ASPG: variants seen among roughly 807,000 people sequenced by gnomAD.
The protein encoded by ASPG is asparaginase.
A neutral mutation model predicts 63.2 loss-of-function variants in ASPG; 53 were observed. The ratio of observed to expected loss-of-function variants is 0.84; its 90% CI spans 0.67 to 1.05. The LOEUF (loss-of-function observed/expected upper bound fraction) is 1.05. Ranked by LOEUF, ASPG falls within the 50% of genes least tolerant of loss-of-function variation. The pLI, the probability that ASPG is intolerant of heterozygous loss-of-function variation, is 0.00. For missense variants in ASPG, 741 were observed against 794.4 expected (o/e 0.93, Z 0.81); for synonymous variants, 370 against 355.0 (o/e 1.04, Z -0.48).
At chr14:104,096,261 G>A (rs73358206) in intron 4 of ASPG, among the ~76,000 whole-genome samples, 1,920 of 152,284 alleles carry the variant, frequency 0.013, 43 homozygotes, top group African/African-American at 0.044. Flanking sequence ...TGTTGCCTGC[G>A]GGTGGCAGTG....
intron 4 of ASPG, among the ~76,000 whole-genome samples, chr14:104,096,435 C>T (rs955005958): frequency 3.9e-5 from 6 of 152,260 alleles, no homozygotes; most frequent in Non-Finnish European, 5.9e-5. Context: ...CTCAGCCACC[C>T]CACTCTGCTT....
chr14:104,098,945 G>A lies in ASPG; in HGVS notation c.606G>A (p.Leu202=). 1 of 1,601,138 alleles carries A rather than the reference G, an allele frequency of 6.2e-7. No individual in the cohort carries two copies. The highest frequency in any genetic ancestry group is 1.1e-5 in the South Asian group (1 of 88,928). Residue 202 remains leucine (L), a synonymous_variant, in exon 6 of 16, where the codon CTG becomes CTA. Coordinates refer to ENST00000551177, the MANE Select transcript of ASPG (RefSeq NM_001080464.3). ...RRFAAFCSPN[L]LPLATVGADI... is the part of the protein sequence containing the mutation. ...TCGCAGCTTTCTGCTCCCCGAACCT[G>A]CTGCCTCTGGCCACAGTGGGTGCTG... is the stretch of plus-strand genomic sequence containing the variant.
chr14:104,102,150 T>C (rs1348297989), intron 6 of ASPG, among the ~76,000 whole-genome samples: 1 of 151,968 alleles, frequency 6.6e-6, no homozygotes, highest in Non-Finnish European at 1.5e-5. Flanking sequence ...TGCTGATGCC[T>C]TATCTGCTTG....
Position 104,106,694 on chromosome 14 carries a change from G to T in ASPG, c.1174-105G>T, listed in dbSNP as rs2037144638. 4.0e-6 allele frequency: 4 copies of T among 1,011,850 alleles called. No homozygotes were observed. In the East Asian group the frequency reaches 1.1e-4, roughly 27 times the overall value. The allele number at this position is 1,011,850 out of a possible 1,614,324, so 62.7% of individuals were successfully genotyped here. ...CTCACCCACGCCCTGGGATCTGCGG[G>T]CCCTTGTGTGGGGGCTGGCAGGGGT... is the stretch of plus-strand genomic sequence containing the variant. On this transcript the variant is annotated intron_variant, in intron 10 of 15. Transcript: ENST00000551177.
rs1249657143 is a variant in ASPG, at chr14:104,111,503, C to T, written c.1522C>T (p.Leu508=). 2 of 1,549,720 alleles carry T rather than the reference C, an allele frequency of 1.3e-6. No homozygotes were observed. Among genetic ancestry groups the T allele is most frequent in the Non-Finnish European group, 1.7e-6 (2 of 1,146,408 alleles). The change falls in exon 14 of 16, where the codon CTG becomes TTG. Residue 508 remains leucine (L), a splice_region_variant and synonymous_variant. Coordinates refer to ENST00000551177, the MANE Select transcript of ASPG (RefSeq NM_001080464.3). ...LEEAGTELCR[L]AYRADLEGLQ... ...CTCCTCCTCTGCCCCCACCCCCAGG[C>T]TGGCATACAGGGCCGACCTCGAAGG...
At chr14:104,094,348 T>G (rs1383236164) in intron 3 of ASPG, among the ~76,000 whole-genome samples, 2 of 151,970 alleles carry the variant, frequency 1.3e-5, no homozygotes, top group Non-Finnish European at 2.9e-5. Context: ...GGAGTCTTAG[T>G]GGATTTAGTG....
At chr14:104,104,911 G>A (rs1332866160) in intron 9 of ASPG, 176 bp downstream of exon 9, 3 of 617,070 alleles carry the variant, frequency 4.9e-6, no homozygotes, top group Non-Finnish European at 8.3e-6. Context: ...TCTGGGCCCA[G>A]GCTCCCCACA....
intron 15 of ASPG, 30 bp downstream of exon 15, chr14:104,112,030 C>T (rs777070975): frequency 2.7e-5 from 42 of 1,535,142 alleles, no homozygotes; most frequent in Middle Eastern, 3.4e-4. Flanking sequence ...GGGGCTGACA[C>T]CCCCCAGTGA....
intron 15 of ASPG, 86 bp downstream of exon 15, chr14:104,112,086 G>A (rs1019312116): frequency 1.4e-5 from 18 of 1,312,202 alleles, no homozygotes; most frequent in Non-Finnish European, 1.9e-5. Context: ...GCGTAATCAA[G>A]GGGAACAGAA....
At position 104,095,587 on chromosome 14, in the gene ASPG, C is replaced by T. The variant is rs1047980649; in HGVS notation, c.360C>T (p.Ala120=). ...TCATCCACGGCACCGACACCATGGC[C>T]TTTGCTGCCTCGATGCTGTCCTTCA... is the stretch of plus-strand genomic sequence containing the variant. ...FVVIHGTDTM[A]FAASMLSFML... Residue 120 remains alanine (A), a synonymous_variant, in exon 4 of 16, where the codon GCC becomes GCT. Coordinates refer to ENST00000551177, the MANE Select transcript of ASPG (RefSeq NM_001080464.3). The T allele has an allele frequency of 6.2e-7, 1 of 1,613,084 alleles. No individual in the cohort carries two copies. Among genetic ancestry groups the T allele is most frequent in the Non-Finnish European group, 8.5e-7 (1 of 1,179,770 alleles).
Position 104,109,234 on chromosome 14 carries a change from C to T in ASPG, c.1439C>T (p.Pro480Leu), listed in dbSNP as rs763411570. Residue 480 changes from proline to leucine, a missense_variant, in exon 13 of 16, where the codon CCG becomes CTG. Coordinates refer to ENST00000551177, the MANE Select transcript of ASPG (RefSeq NM_001080464.3). This position sits in a 1 kb window ranked among gnomAD's most constrained non-coding sequence, Gnocchi z 4.8. ...PLLLAVRGRH[P>L]GVIGLLREAG... ...GCATGCTCATTCTCACACAGGCATC[C>T]GGGTGTCATTGGGTTGCTGCGGGAA... is the stretch of plus-strand genomic sequence containing the variant. 23 of 1,613,018 alleles carry T rather than the reference C, an allele frequency of 1.4e-5. No homozygotes were observed. The Admixed American group carries it at 1.5e-4, about 11-fold the overall frequency.
At chr14:104,106,483 G>A (rs1413308891) in intron 10 of ASPG, among the ~76,000 whole-genome samples, 2 of 152,194 alleles carry the variant, frequency 1.3e-5, no homozygotes, top group African/African-American at 4.8e-5. Flanking sequence ...GACGGCGGTG[G>A]GAGCAGACGG....
intron 12 of ASPG, 133 bp downstream of exon 12, chr14:104,107,478 C>T (rs1043325253): frequency 4.0e-5 from 38 of 939,968 alleles, no homozygotes; most frequent in Middle Eastern, 3.7e-4. Context: ...AAGGCTGCCC[C>T]CGCAGCCCGG....
chr14:104,089,609 C>T (rs1357439095), intron 1 of ASPG, among the ~76,000 whole-genome samples: 1 of 152,054 alleles, frequency 6.6e-6, no homozygotes, highest in Non-Finnish European at 1.5e-5. Flanking sequence ...GCTGGAGCCC[C>T]AGAGTTGGAA....
At chr14:104,111,147 G>T (rs532782951) in intron 13 of ASPG, 5 of 985,444 alleles carry the variant, frequency 5.1e-6, no homozygotes, top group South Asian at 4.7e-5. Flanking sequence ...AGGCGCATGT[G>T]CTCATGTGTG....
chr14:104,102,307 C>A (rs2036913241), intron 6 of ASPG, among the ~76,000 whole-genome samples: 1 of 152,168 alleles, frequency 6.6e-6, no homozygotes, highest in South Asian at 2.1e-4. Flanking sequence ...CCCCACATCT[C>A]CCCCCTTCAG....
Position 104,105,345 on chromosome 14 carries a change from T to G in ASPG, c.1068T>G (p.Leu356=). 1.9e-6 allele frequency: 3 copies of G among 1,612,550 alleles called. No homozygotes were observed. The highest frequency in any genetic ancestry group is 2.5e-6 in the Non-Finnish European group (3 of 1,179,740). Residue 356 remains leucine (L), a synonymous_variant, in exon 10 of 16, where the codon CTT becomes CTG. Coordinates refer to ENST00000551177, the MANE Select transcript of ASPG (RefSeq NM_001080464.3). ...TCCACCAGCTGCTGACCAAGGACCT[T>G]CGGGGGGAGATGACGCCACCCTCGG... ...DVRKELLTKD[L]RGEMTPPSVE...
intron 1 of ASPG, among the ~76,000 whole-genome samples, chr14:104,087,679 G>A (rs1322298706): frequency 6.6e-6 from 1 of 152,218 alleles, no homozygotes; most frequent in Non-Finnish European, 1.5e-5. Context: ...TACCCCTTCA[G>A]GCTTGGAGTG....
At chr14:104,087,576 G>A (rs1414190118) in intron 1 of ASPG, among the ~76,000 whole-genome samples, 1 of 152,220 alleles carries the variant, frequency 6.6e-6, no homozygotes, top group East Asian at 1.9e-4. Context: ...GAGGAGTGGG[G>A]AGCCCAGCAG....
Sources: gnomAD v4.1 joint callset for allele counts (sites outside exome capture counted in the v4.1 genomes callset) on GRCh38, gnomAD v4.1.1 for gene constraint, Gnocchi (gnomAD v3.1) non-coding constraint, MANE v1.5 for transcripts, NCBI Gene and HGNC (gene_info 2026-07-23, HGNC 2026-07-21) for gene names.